Variants in MORN1 observed in about 807,000 individuals in gnomAD.
MORN1 encodes the protein MORN repeat containing 1.
A neutral mutation model predicts 61.9 loss-of-function variants in MORN1; 67 were observed. That is an observed-to-expected ratio of 1.08 (90% confidence interval 0.89 to 1.33). The LOEUF (loss-of-function observed/expected upper bound fraction) is 1.33, where lower values mean the gene tolerates loss of function less well. MORN1 is among the 40% of genes most tolerant of loss of function. MORN1 has a pLI of 0.00. For missense variants in MORN1, 752 were observed against 691.2 expected (o/e 1.09, Z -0.99); for synonymous variants, 301 against 292.0 (o/e 1.03, Z -0.31).
In MORN1 at chr1:2,387,494, G is replaced by C. The variant is rs778502017; in HGVS notation, c.283C>G (p.Pro95Ala). 6 of 1,613,304 alleles carry C rather than the reference G, an allele frequency of 3.7e-6. No individual in the cohort carries two copies. The highest frequency in any genetic ancestry group is 3.3e-5 in the Admixed American group (2 of 60,026). The change falls in exon 4 of 14, where the codon CCT becomes GCT. Residue 95 changes from proline to alanine, a missense_variant. Physicochemically the swap from Pro to Ala is conservative, Grantham distance 27. Transcript: ENST00000378531. ...TFSGQFVLGE[P>A]QGYGVMEYKA... ...TACTCCATGACGCCGTAGCCTTGAG[G>C]CTCTCCCAGAACAAACTGTCCAGAG...
chr1:2,388,343 A>G lies in MORN1; in HGVS notation c.149-6T>C, dbSNP rs377643704. ...AAATAACAACTTCCCGTGACCTGGC[A>G]GGAGAAATCGTCACGTGAACTCAGA... On this transcript the variant is annotated splice_polypyrimidine_tract_variant and splice_region_variant and intron_variant, in intron 2 of 13. Transcript: ENST00000378531. 139 of 1,612,294 alleles carry G rather than the reference A, an allele frequency of 8.6e-5. No homozygotes were observed. Among genetic ancestry groups the G allele is most frequent in the Non-Finnish European group, 9.7e-5 (114 of 1,178,588 alleles).
At chr1:2,374,359 C>T in intron 7 of MORN1, 102 bp downstream of exon 7, 1 of 969,242 alleles carries the variant, frequency 1.0e-6, no homozygotes, top group Non-Finnish European at 1.6e-6. Context: ...CCACCCCTCC[C>T]CAGTGTGCTC....
intron 10 of MORN1, among the ~76,000 whole-genome samples, chr1:2,339,986 T>C (rs1354285298): frequency 1.3e-5 from 2 of 152,252 alleles, no homozygotes; most frequent in Admixed American, 6.5e-5. Flanking sequence ...GCCGCGCGGC[T>C]TCTCCGTGTT....
intron 12 of MORN1, among the ~76,000 whole-genome samples, chr1:2,325,114 C>T (rs543726500): frequency 5.5e-4 from 48 of 86,990 alleles, no homozygotes; most frequent in African/African-American, 3.2e-3. Context: ...CTTTCCTTCC[C>T]TTCCTTCCCT....
chr1:2,377,658 C>G (rs1160890296), intron 6 of MORN1: 1 of 152,390 alleles, frequency 6.6e-6, no homozygotes, highest in Non-Finnish European at 1.5e-5. Context: ...CCTCTGTTTT[C>G]AGGCCCTAGT....
Position 2,372,536 on chromosome 1 carries a change from C to T in MORN1, c.690G>A (p.Gly230=). ...LGPEVMEVAQ[G]SPFSVNVQLL... ...GCTGAACGTTCACCGAGAAGGGAGACCCTTGGGCCACTTCCATCACCTCCG... is the reference window on the plus strand; with the variant it reads ...GCTGAACGTTCACCGAGAAGGGAGATCCTTGGGCCACTTCCATCACCTCCG... The change falls in exon 8 of 14, where the codon GGG becomes GGA. Residue 230 remains glycine (G), a synonymous_variant. Transcript: ENST00000378531. This position sits in a 1 kb window ranked among gnomAD's most constrained non-coding sequence, Gnocchi z 5.4. 1 of 1,614,022 alleles carries T rather than the reference C, an allele frequency of 6.2e-7. No individual in the cohort carries two copies. Among genetic ancestry groups the T allele is most frequent in the Non-Finnish European group, 8.5e-7 (1 of 1,180,012 alleles).
intron 10 of MORN1, among the ~76,000 whole-genome samples, chr1:2,342,530 A>G (rs1298186181): frequency 6.6e-6 from 1 of 152,246 alleles, no homozygotes; most frequent in Non-Finnish European, 1.5e-5. Flanking sequence ...GGCTCATTAG[A>G]GACGCAGGGT....
At chr1:2,379,830 T>C (rs576059892) in intron 6 of MORN1, among the ~76,000 whole-genome samples, 16 of 152,318 alleles carry the variant, frequency 1.1e-4, no homozygotes, top group African/African-American at 3.4e-4. Context: ...GAGAACAGCA[T>C]GGCGGTTCCT....
At chr1:2,387,015 C>T (rs1402228765) in intron 4 of MORN1, 1 of 202,488 alleles carries the variant, frequency 4.9e-6, no homozygotes, top group Non-Finnish European at 1.0e-5. Context: ...CCTCAGGGAC[C>T]CTCAGGCCTG....
chr1:2,327,084 A>G (rs540875476), intron 12 of MORN1, among the ~76,000 whole-genome samples: 2 of 152,156 alleles, frequency 1.3e-5, no homozygotes, highest in East Asian at 3.9e-4. Flanking sequence ...AAACAAACAC[A>G]GAGACACAGA....
At chr1:2,339,951 C>T (rs1641358875) in intron 10 of MORN1, among the ~76,000 whole-genome samples, 1 of 152,260 alleles carries the variant, frequency 6.6e-6, no homozygotes, top group African/African-American at 2.4e-5. Context: ...CTCAGGGCAC[C>T]CTCTGTGCAG....
intron 12 of MORN1, chr1:2,332,820 G>A: frequency 2.3e-6 from 1 of 433,622 alleles, no homozygotes; most frequent in South Asian, 1.6e-5. Flanking sequence ...GAGGGGAGAA[G>A]CCGGAGCCAG....
At chr1:2,391,433 C>T in intron 1 of MORN1, 25 bp downstream of exon 1, 1 of 1,256,416 alleles carries the variant, frequency 8.0e-7, no homozygotes, top group Non-Finnish European at 1.0e-6. Context: ...AGCCAGCGAC[C>T]TGTCCCGTGG....
At chr1:2,364,065 C>A (rs1641951812) in intron 8 of MORN1, among the ~76,000 whole-genome samples, 1 of 152,060 alleles carries the variant, frequency 6.6e-6, no homozygotes. Flanking sequence ...ACAAAAAGTA[C>A]ACTTTAAAAA....
intron 4 of MORN1, chr1:2,387,199 G>A (rs1398681441): frequency 3.4e-6 from 2 of 585,994 alleles, no homozygotes; most frequent in Non-Finnish European, 6.1e-6. Context: ...GGATGACAGA[G>A]CTGCATCAAG....
chr1:2,323,325 A>C, intron 13 of MORN1: 1 of 985,420 alleles, frequency 1.0e-6, no homozygotes, highest in South Asian at 4.7e-5. Context: ...CCACGGTGGC[A>C]TCCAGACCCC....
rs1557893799 is a variant in MORN1 at position 2,384,960 on chromosome 1, C to T, written c.537+18G>A. On this transcript the variant is annotated intron_variant, in intron 6 of 13. Coordinates refer to ENST00000378531, the MANE Select transcript of MORN1 (RefSeq NM_024848.3). ...GCCTGTACCCTCTGGGCAGCAGGTG[C>T]CGCGCGCCCCCGGGTACCTTGTAGG... The T allele has an allele frequency of 1.3e-6, 2 of 1,537,040 alleles. No homozygotes were observed. Among genetic ancestry groups the T allele is most frequent in the Admixed American group, 2.0e-5 (1 of 50,672 alleles).
At position 2,384,958 on chromosome 1, in the gene MORN1, T is replaced by G; in HGVS notation, c.537+20A>C. ...AGGCCTGTACCCTCTGGGCAGCAGG[T>G]GCCGCGCGCCCCCGGGTACCTTGTA... On this transcript the variant is annotated intron_variant, in intron 6 of 13. Coordinates refer to ENST00000378531, the MANE Select transcript of MORN1 (RefSeq NM_024848.3). 1 of 1,535,268 alleles carries G rather than the reference T, an allele frequency of 6.5e-7. No homozygotes were observed. The highest frequency in any genetic ancestry group is 1.2e-5 in the South Asian group (1 of 82,420).
intron 12 of MORN1, chr1:2,332,871 G>A (rs1483689598): frequency 2.6e-6 from 1 of 380,912 alleles, no homozygotes; most frequent in Non-Finnish European, 5.2e-6. Context: ...TGCGCCTCGA[G>A]GGGCCAAGCT....
Sources: gnomAD v4.1 joint callset for allele counts (sites outside exome capture counted in the v4.1 genomes callset) on GRCh38, gnomAD v4.1.1 for gene constraint, Gnocchi (gnomAD v3.1) non-coding constraint, MANE v1.5 for transcripts, NCBI Gene and HGNC (gene_info 2026-07-23, HGNC 2026-07-21) for gene names.